TEN1: variants seen among roughly 807,000 people sequenced by gnomAD.
The protein encoded by TEN1 is CST complex subunit TEN1.
A neutral mutation model predicts 9.3 loss-of-function variants in TEN1; 6 were observed. The ratio of observed to expected loss-of-function variants is 0.65; its 90% CI spans 0.35 to 1.27. The LOEUF (loss-of-function observed/expected upper bound fraction) is 1.27. TEN1 is among the 50% of genes most tolerant of loss of function. The pLI, the probability that TEN1 is intolerant of heterozygous loss-of-function variation, is 0.03. For synonymous variants in TEN1, 65 were observed against 65.6 expected, an observed-to-expected ratio of 0.99 and a Z score of 0.04; for missense variants, 149 against 158.2, an observed-to-expected ratio of 0.94 and a Z score of 0.31.
At chr17:75,985,108 G>A (rs1345311939) in intron 1 of TEN1, 1 of 152,190 alleles carries the variant, frequency 6.6e-6, no homozygotes, top group Non-Finnish European at 1.5e-5. Flanking sequence ...ACAGGTGTGA[G>A]CCACCATTCT....
chr17:76,000,115 T>C lies in TEN1; in HGVS notation c.251-26T>C. The C allele has an allele frequency of 6.5e-7, 1 of 1,548,446 alleles. No individual in the cohort carries two copies. Among genetic ancestry groups the C allele is most frequent in the Non-Finnish European group, 8.7e-7 (1 of 1,144,770 alleles). ...TTGTTGACACGCCGCTCAGTCGCCG[T>C]TCGTGCCCTGGTGTTTGTCTTGCAG... On this transcript the variant is annotated intron_variant, in intron 3 of 3. Coordinates refer to ENST00000397640, the MANE Select transcript of TEN1 (RefSeq NM_001113324.3). This position sits in a 1 kb window ranked among gnomAD's most constrained non-coding sequence, Gnocchi z 5.9.
rs1300674402 is a variant in TEN1, at chr17:75,991,607, G to C, written c.234G>C (p.Glu78Asp). 7.7e-6 allele frequency: 12 copies of C among 1,551,588 alleles called. No individual in the cohort carries two copies. The highest frequency in any genetic ancestry group is 1.0e-5 in the Non-Finnish European group (12 of 1,146,940). Residue 78 changes from glutamate (E) to aspartate (D), a missense_variant, in exon 3 of 4, where the codon GAG (glutamate) becomes GAC (aspartate). Transcript: ENST00000397640. ...GCTCCCTGTACATCGTCCTCGGGGAGCTCCAGCATCAGCAGGGTGAGCTGC... is the reference window on the plus strand; with the variant it reads ...GCTCCCTGTACATCGTCCTCGGGGACCTCCAGCATCAGCAGGGTGAGCTGC... ...QVGSLYIVLG[E>D]LQHQQDRGSV...
chr17:75,985,673 C>T (rs900676500), intron 1 of TEN1, among the ~76,000 whole-genome samples: 3 of 151,802 alleles, frequency 2.0e-5, no homozygotes, highest in Admixed American at 6.6e-5. Context: ...TACAGGCATG[C>T]GCCACCATGC....
intron 1 of TEN1, among the ~76,000 whole-genome samples, chr17:75,980,761 C>T (rs750078516): frequency 1.3e-5 from 2 of 152,144 alleles, no homozygotes; most frequent in Non-Finnish European, 2.9e-5. Flanking sequence ...TTGGTTTTCT[C>T]AGAAGTAAAA....
chr17:75,981,595 TG>T lies in TEN1; in HGVS notation c.-7+2085del, dbSNP rs368491371. On this transcript the variant is annotated intron_variant, in intron 1 of 3. Transcript: ENST00000397640. Reference sequence around the variant, plus strand: ...CTCAGAAGCAACCCACAAAGCAAGTTGTTTTTTTTTTTTTTTTTACCTTCTG... The same window carrying T: ...CTCAGAAGCAACCCACAAAGCAAGTTTTTTTTTTTTTTTTTTTACCTTCTG... 6.2e-3 allele frequency among the ~76,000 whole-genome samples: 895 copies of T among 144,466 alleles called. 4 individuals carry two copies. Among genetic ancestry groups the T allele is most frequent in the African/African-American group, 0.023 (844 of 36,894 alleles). 94.8% of individuals were successfully genotyped at this position (144,466 alleles called of 152,430 possible). A position where few individuals can be genotyped will look rare whatever the true frequency, so the allele number is the denominator to read the frequency against.
intron 1 of TEN1, among the ~76,000 whole-genome samples, chr17:75,985,826 GT>G (rs916366788): frequency 3.4e-5 from 5 of 147,882 alleles, no homozygotes; most frequent in Non-Finnish European, 7.5e-5. Flanking sequence ...ACCCGGCCAT[GT>G]TTTTTTTTCT....
chr17:75,987,533 C>T (rs1336378714), intron 2 of TEN1, among the ~76,000 whole-genome samples: 4 of 152,200 alleles, frequency 2.6e-5, no homozygotes, highest in Non-Finnish European at 5.9e-5. Context: ...CAGCCTTACT[C>T]AGCATCGTAG....
chr17:75,989,083 T>G (rs1184096127), intron 2 of TEN1, among the ~76,000 whole-genome samples: 1 of 150,520 alleles, frequency 6.6e-6, no homozygotes. Context: ...CTTAGCCAAT[T>G]CTTTATTGAT....
At chr17:75,988,576 A>AG (rs1480293166) in intron 2 of TEN1, among the ~76,000 whole-genome samples, 8 of 149,540 alleles carry the variant, frequency 5.3e-5, no homozygotes, top group African/African-American at 2.0e-4. Context: ...AAAAAAAAAA[A>AG]AAAAAAAAAA....
At chr17:75,994,804 C>T (rs997078009) in intron 3 of TEN1, among the ~76,000 whole-genome samples, 4 of 152,050 alleles carry the variant, frequency 2.6e-5, no homozygotes, top group Admixed American at 6.6e-5. Context: ...CATACACGCT[C>T]GTCATTCACG....
In TEN1 at chr17:75,979,407, C is replaced by T. The variant is rs2066095931; in HGVS notation, c.-111C>T. ...TCAAGAAACTGCCCTGCTGGGCGTC[C>T]GGGGAGTGGGAAAATAAAGCACTTT... On this transcript the variant is annotated 5_prime_UTR_variant, in exon 1 of 4. Coordinates refer to ENST00000397640, the MANE Select transcript of TEN1 (RefSeq NM_001113324.3). The T allele has an allele frequency of 2.1e-6, 1 of 466,828 alleles. No individual in the cohort carries two copies. The highest frequency in any genetic ancestry group is 3.9e-6 in the Non-Finnish European group (1 of 253,974). The allele number at this position is 466,828 out of a possible 1,614,324, so 28.9% of individuals were successfully genotyped here. A position where few individuals can be genotyped will look rare whatever the true frequency, so the allele number is the denominator to read the frequency against.
intron 2 of TEN1, 40 bp from the exon 3 acceptor site, chr17:75,991,426 A>C (rs1348954110): frequency 6.5e-7 from 1 of 1,547,678 alleles, no homozygotes; most frequent in Admixed American, 2.0e-5. Context: ...TGGTGATTCT[A>C]CGTATGGATG....
chr17:75,986,030 C>G lies in TEN1; in HGVS notation c.-6-157C>G, dbSNP rs148287229. ...CATTAGGTATATCTCCTAATGCTAT[C>G]CCTCCCCCCAAAAAATTTTTTTTTT... On this transcript the variant is annotated intron_variant, in intron 1 of 3. Transcript: ENST00000397640. The G allele has an allele frequency of 3.8e-3, 1,982 of 527,410 alleles. 33 individuals carry two copies. In the East Asian group the frequency reaches 0.044, roughly 12 times the overall value. 32.7% of individuals were successfully genotyped at this position (527,410 alleles called of 1,614,324 possible). A position where few individuals can be genotyped will look rare whatever the true frequency, so the allele number is the denominator to read the frequency against.
At chr17:75,991,705 T>C in intron 3 of TEN1, 82 bp downstream of exon 3, 1 of 1,183,160 alleles carries the variant, frequency 8.5e-7, no homozygotes, top group Non-Finnish European at 1.2e-6. Context: ...AGAAATGGGC[T>C]CGTGACCCAA....
intron 3 of TEN1, among the ~76,000 whole-genome samples, chr17:75,997,538 G>A (rs138374436): frequency 5.8e-4 from 88 of 152,156 alleles, no homozygotes; most frequent in Non-Finnish European, 1.2e-3. Flanking sequence ...ACACTGAAAC[G>A]GCCACCGTTA....
At chr17:75,991,808 G>T (rs1394889159) in intron 3 of TEN1, among the ~76,000 whole-genome samples, 185 bp downstream of exon 3, 1 of 152,132 alleles carries the variant, frequency 6.6e-6, no homozygotes, top group Non-Finnish European at 1.5e-5. Context: ...TGGCCTCATG[G>T]TGCCAACTCA....
At chr17:75,984,132 T>C (rs879663188) in intron 1 of TEN1, among the ~76,000 whole-genome samples, 1 of 152,120 alleles carries the variant, frequency 6.6e-6, no homozygotes, top group Admixed American at 6.6e-5. Context: ...TTGGCCCAAA[T>C]CCAGGAATAA....
At chr17:75,980,294 G>C (rs1681176250) in intron 1 of TEN1, among the ~76,000 whole-genome samples, 1 of 152,068 alleles carries the variant, frequency 6.6e-6, no homozygotes, top group South Asian at 2.1e-4. Flanking sequence ...AGCCAAGATT[G>C]TGACATTGCA....
In TEN1 at chr17:76,000,143, A is replaced by C; in HGVS notation, c.253A>C (p.Arg85=). Residue 85 remains arginine (R), a splice_region_variant and synonymous_variant, in exon 4 of 4, where the codon AGA becomes CGA. Transcript: ENST00000397640. The surrounding 1 kb of genome is among the most constrained non-coding windows in gnomAD (Gnocchi z 5.9). ...GTGCCCTGGTGTTTGTCTTGCAGAC[A>C]GAGGCTCCGTGGTGAAGGCGCGCGT... is the stretch of plus-strand genomic sequence containing the variant. The part of the protein sequence containing the change: ...VLGELQHQQD[R]GSVVKARVLT... The C allele has an allele frequency of 6.4e-7, 1 of 1,551,054 alleles. No homozygotes were observed. Among genetic ancestry groups the C allele is most frequent in the Admixed American group, 2.0e-5 (1 of 50,872 alleles).
Sources: allele counts gnomAD v4.1 joint callset (sites outside exome capture counted in the v4.1 genomes callset), GRCh38; gene constraint gnomAD v4.1.1; non-coding constraint Gnocchi (gnomAD v3.1); transcripts MANE v1.5; gene names NCBI Gene and HGNC (gene_info 2026-07-23, HGNC 2026-07-21).